The following ADAMTSL3 variants were observed in gnomAD, a reference collection of about 807,000 sequenced individuals.
ADAMTSL3 encodes the protein ADAMTS like 3, also known as ADAMTS-like protein 3.
Under a neutral mutation model 201.7 loss-of-function variants are expected in ADAMTSL3, and 128 were observed. The ratio of observed to expected loss-of-function variants is 0.63; its 90% CI spans 0.55 to 0.73. The LOEUF (loss-of-function observed/expected upper bound fraction) is 0.73, where lower values mean the gene tolerates loss of function less well. Ranked by LOEUF, ADAMTSL3 falls within the 30% of genes least tolerant of loss-of-function variation. The probability of loss-of-function intolerance (pLI) is 0.00; values close to 1 mark genes in which losing one functional copy is unlikely to be tolerated. For synonymous variants in ADAMTSL3, 738 were observed against 748.4 expected (o/e 0.99, Z 0.23); for missense variants, 1,990 against 2,119.6 (o/e 0.94, Z 1.20).
chr15:83,683,802 A>G lies in ADAMTSL3; in HGVS notation c.70-20587A>G, dbSNP rs139019458. On this transcript the variant is annotated intron_variant, in intron 2 of 29. Coordinates refer to ENST00000286744, the MANE Select transcript of ADAMTSL3 (RefSeq NM_207517.3). ...CCATGGCCCTTTCCACACTTGTCTC[A>G]TACTTTCAACACCTGAGCTTCTCAT... Among the ~76,000 whole-genome samples, 1,295 of 152,236 alleles carry G rather than the reference A, an allele frequency of 8.5e-3. 8 individuals are homozygous for G. Among genetic ancestry groups the G allele is most frequent in the Non-Finnish European group, 0.014 (926 of 68,024 alleles).
chr15:84,031,469 C>A (rs1275240040), intron 28 of ADAMTSL3, 37 bp downstream of exon 28: 1 of 1,566,262 alleles, frequency 6.4e-7, no homozygotes, highest in African/African-American at 1.4e-5. Flanking sequence ...ACATTCTCTC[C>A]TGACTCACTC....
chr15:83,781,166 C>T (rs761898350), intron 4 of ADAMTSL3, among the ~76,000 whole-genome samples: 69 of 152,022 alleles, frequency 4.5e-4, no homozygotes, highest in Admixed American at 2.1e-3. Flanking sequence ...CAGTCCTAAA[C>T]AAAAAGAACA....
chr15:83,850,454 G>C (rs147697396), intron 7 of ADAMTSL3, among the ~76,000 whole-genome samples: 24 of 150,748 alleles, frequency 1.6e-4, no homozygotes, highest in East Asian at 1.6e-3. Flanking sequence ...ATATATATGT[G>C]TATGTTTATA....
chr15:83,774,235 A>G (rs974310969), intron 4 of ADAMTSL3, among the ~76,000 whole-genome samples: 1 of 152,228 alleles, frequency 6.6e-6, no homozygotes, highest in Non-Finnish European at 1.5e-5. Context: ...TAGGTAAGAG[A>G]GAGCCCCAGA....
intron 2 of ADAMTSL3, among the ~76,000 whole-genome samples, chr15:83,671,301 G>A (rs2061326238): frequency 6.6e-6 from 1 of 152,042 alleles, no homozygotes; most frequent in African/African-American, 2.4e-5. Context: ...GAACTTTTTG[G>A]GGGCAGCCCT....
intron 3 of ADAMTSL3, among the ~76,000 whole-genome samples, chr15:83,771,682 A>T (rs751971666): frequency 6.6e-6 from 1 of 152,136 alleles, no homozygotes; most frequent in Non-Finnish European, 1.5e-5. Context: ...TTATCCATTC[A>T]TCTGTTGATG....
chr15:83,989,420 C>G (rs986570065), intron 22 of ADAMTSL3, among the ~76,000 whole-genome samples: 3 of 152,206 alleles, frequency 2.0e-5, no homozygotes, highest in Non-Finnish European at 2.9e-5. Flanking sequence ...TTCTAAGAAT[C>G]AGGAAATAAT....
chr15:84,017,180 T>G (rs191203515), intron 25 of ADAMTSL3, among the ~76,000 whole-genome samples: 92 of 152,258 alleles, frequency 6.0e-4, no homozygotes, highest in African/African-American at 1.9e-3. Context: ...TGCAGTGGCG[T>G]GATCTCAGCT....
intron 7 of ADAMTSL3, among the ~76,000 whole-genome samples, chr15:83,855,015 T>C (rs1306639040): frequency 1.3e-5 from 2 of 152,138 alleles, no homozygotes; most frequent in Non-Finnish European, 2.9e-5. Context: ...GTTGGTTATT[T>C]TTAGTGGACT....
chr15:83,915,240 C>T (rs1567233881), intron 16 of ADAMTSL3, among the ~76,000 whole-genome samples: 1 of 152,170 alleles, frequency 6.6e-6, no homozygotes. Flanking sequence ...CCTGTTTCAT[C>T]TTCTTCTCCT....
intron 23 of ADAMTSL3, among the ~76,000 whole-genome samples, chr15:83,996,780 CAAAAAAAAAAAAAA>C (rs35758954): frequency 3.0e-5 from 1 of 33,852 alleles, no homozygotes; most frequent in African/African-American, 1.3e-4. Context: ...GACTCTGCCT[CAAAAAAAAAAAAAA>C]AAAAAAAAAA....
intron 13 of ADAMTSL3, 128 bp from the exon 14 acceptor site, chr15:83,897,730 A>G: frequency 9.3e-7 from 1 of 1,075,898 alleles, no homozygotes. Context: ...TCCTTACATA[A>G]TATTTGTCTA....
intron 4 of ADAMTSL3, among the ~76,000 whole-genome samples, chr15:83,799,242 T>C (rs1327434560): frequency 6.6e-6 from 1 of 152,186 alleles, no homozygotes; most frequent in Non-Finnish European, 1.5e-5. Context: ...AGCATTTCAG[T>C]GCCTTCCCTT....
rs138232215 is a variant in ADAMTSL3, at chr15:83,756,539, A to T, written c.190-16984A>T. On this transcript the variant is annotated intron_variant, in intron 3 of 29. Coordinates refer to ENST00000286744, the MANE Select transcript of ADAMTSL3 (RefSeq NM_207517.3). ...GTCCCTCCAATGACAGATGGGAATT[A>T]TGGGAGCTGCAATTTGAGATTTGGG... is the stretch of plus-strand genomic sequence containing the variant. Among the ~76,000 whole-genome samples, 509 of 152,210 alleles carry T rather than the reference A, an allele frequency of 3.3e-3. 4 individuals carry two copies. The highest frequency in any genetic ancestry group is 0.012 in the African/African-American group (480 of 41,548).
At chr15:83,745,420 TA>T (rs2062529386) in intron 3 of ADAMTSL3, among the ~76,000 whole-genome samples, 1 of 152,188 alleles carries the variant, frequency 6.6e-6, no homozygotes, top group Admixed American at 6.5e-5. Flanking sequence ...CTGAGTGGCA[TA>T]ACACTTAAGC....
chr15:83,873,620 G>T (rs11857379), intron 9 of ADAMTSL3, among the ~76,000 whole-genome samples: 47,948 of 144,364 alleles, frequency 0.33, 12,776 homozygotes, highest in East Asian at 0.56. Context: ...CTCAAGCAAC[G>T]CTCCTGCCTC....
intron 3 of ADAMTSL3, among the ~76,000 whole-genome samples, chr15:83,764,419 C>G (rs1371433749): frequency 6.6e-6 from 1 of 152,190 alleles, no homozygotes; most frequent in Non-Finnish European, 1.5e-5. Flanking sequence ...GGGAAGCTGA[C>G]CTGCATGGAC....
intron 15 of ADAMTSL3, among the ~76,000 whole-genome samples, chr15:83,906,472 T>C (rs2065833963): frequency 6.6e-6 from 1 of 152,174 alleles, no homozygotes. Flanking sequence ...AATAATGATA[T>C]TTATGCATAA....
intron 4 of ADAMTSL3, among the ~76,000 whole-genome samples, chr15:83,796,349 T>G (rs574105805): frequency 1.3e-5 from 2 of 152,338 alleles, no homozygotes; most frequent in East Asian, 3.9e-4. Context: ...GGAAGCAAAT[T>G]AATGCACAAA....
Sources: allele counts gnomAD v4.1 joint callset (sites outside exome capture counted in the v4.1 genomes callset), GRCh38; gene constraint gnomAD v4.1.1; transcripts MANE v1.5; gene names NCBI Gene and HGNC (gene_info 2026-07-23, HGNC 2026-07-21).